AKT1S1: variants seen among roughly 807,000 people sequenced by gnomAD.
The protein encoded by AKT1S1 is AKT1 substrate 1.
Under a neutral mutation model 21.2 loss-of-function variants are expected in AKT1S1, and 17 were observed. The ratio of observed to expected loss-of-function variants is 0.80; its 90% CI spans 0.55 to 1.20. The LOEUF is 1.20. Ranked by LOEUF, AKT1S1 falls within the 50% of genes most tolerant of loss-of-function variation. The probability of loss-of-function intolerance (pLI) is 0.00; values close to 1 mark genes in which losing one functional copy is unlikely to be tolerated. For synonymous variants in AKT1S1, 181 were observed against 165.6 expected (o/e 1.09, Z -0.72); for missense variants, 366 against 368.3 (o/e 0.99, Z 0.05).
rs1242921925 is a variant in AKT1S1, at chr19:49,869,861, C to T, written c.*56G>A. ...AGATTAGCAGGCCCCGGGAGTGGGG[C>T]GGGGGCGTAGTGTGGGACGGGGCGG... On this transcript the variant is annotated 3_prime_UTR_variant, in exon 5 of 5. Transcript: ENST00000344175. 5.0e-6 allele frequency: 7 copies of T among 1,395,366 alleles called. No individual in the cohort carries two copies. Among genetic ancestry groups the T allele is most frequent in the South Asian group, 1.5e-5 (1 of 65,550 alleles). 86.4% of individuals were successfully genotyped at this position (1,395,366 alleles called of 1,614,324 possible).
Position 49,871,729 on chromosome 19 carries a change from G to T in AKT1S1, c.458-13C>A, listed in dbSNP as rs769013124. 8.7e-6 allele frequency: 14 copies of T among 1,611,936 alleles called. No individual in the cohort carries two copies. The highest frequency in any genetic ancestry group is 1.1e-5 in the Non-Finnish European group (13 of 1,178,606). On this transcript the variant is annotated splice_polypyrimidine_tract_variant and intron_variant, in intron 3 of 4. Transcript: ENST00000344175. ...CTCAGGCTGCCATCTGAAAGAGAGGGTGGACTTCAGCTTCTGTCCCTGCCT... is the reference window on the plus strand; with the variant it reads ...CTCAGGCTGCCATCTGAAAGAGAGGTTGGACTTCAGCTTCTGTCCCTGCCT...
chr19:49,876,056 G>A (rs745879219), intron 1 of AKT1S1: 60 of 985,490 alleles, frequency 6.1e-5, no homozygotes, highest in Non-Finnish European at 7.1e-5. Flanking sequence ...AGGGAAAAGA[G>A]CTAAGGAGGA....
At chr19:49,876,619 T>G (rs1333184593) in intron 1 of AKT1S1, 1 of 1,532,708 alleles carries the variant, frequency 6.5e-7, no homozygotes, top group Non-Finnish European at 8.8e-7. Context: ...GTAGCCAGCA[T>G]GGCCGGCCCG....
intron 1 of AKT1S1, chr19:49,874,865 T>A (rs1039546928): frequency 6.6e-6 from 1 of 152,108 alleles, no homozygotes; most frequent in Non-Finnish European, 1.5e-5. Context: ...GAGTCTGGAG[T>A]CTGAATGAAA....
Position 49,869,818 on chromosome 19 carries a change from C to G in AKT1S1, c.*99G>C, listed in dbSNP as rs2074861987. On this transcript the variant is annotated 3_prime_UTR_variant, in exon 5 of 5. Transcript: ENST00000344175. The stretch of plus-strand genomic sequence containing the variant: ...TTGGGAATGGGAGACGCAAGGAGGC[C>G]GGTCCCGGATCGGCCTCAGATTAGC... 1 of 1,243,140 alleles carries G rather than the reference C, an allele frequency of 8.0e-7. No individual in the cohort carries two copies. The highest frequency in any genetic ancestry group is 1.6e-5 in the African/African-American group (1 of 63,724). 77.0% of individuals were successfully genotyped at this position (1,243,140 alleles called of 1,614,324 possible). A position where few individuals can be genotyped will look rare whatever the true frequency, so the allele number is the denominator to read the frequency against.
chr19:49,875,682 G>A (rs2074931929), intron 1 of AKT1S1, among the ~76,000 whole-genome samples: 1 of 152,200 alleles, frequency 6.6e-6, no homozygotes, highest in Non-Finnish European at 1.5e-5. Context: ...TGAACTCTCC[G>A]TGTACTCAAT....
Position 49,870,023 on chromosome 19 carries a change from A to G in AKT1S1, c.665T>C (p.Met222Thr). Residue 222 changes from methionine to threonine, a missense_variant, in exon 5 of 5, where the codon ATG becomes ACG. Physicochemically the swap from Met to Thr is moderately conservative, Grantham distance 81. Coordinates refer to ENST00000344175, the MANE Select transcript of AKT1S1 (RefSeq NM_001098633.4). ...GGCCTCTCGCAGCACCAGCGCGCGC[A>G]TGCTCGCCGCGATGCGGTCCAGGTC... Reference protein sequence around the residue: ...SPDLDRIAASMRALVLREAED... With the variant: ...SPDLDRIAASTRALVLREAED... The G allele has an allele frequency of 6.4e-7, 1 of 1,552,348 alleles. No homozygotes were observed. Among genetic ancestry groups the G allele is most frequent in the East Asian group, 2.5e-5 (1 of 40,058 alleles).
Position 49,870,068 on chromosome 19 carries a change from G to A in AKT1S1, c.628-8C>T. 1 of 1,519,584 alleles carries A rather than the reference G, an allele frequency of 6.6e-7. No individual in the cohort carries two copies. Among genetic ancestry groups the A allele is most frequent in the South Asian group, 1.2e-5 (1 of 81,482 alleles). 94.1% of individuals were successfully genotyped at this position (1,519,584 alleles called of 1,614,324 possible). A position where few individuals can be genotyped will look rare whatever the true frequency, so the allele number is the denominator to read the frequency against. Reference sequence around the variant, plus strand: ...CAGGTCGGGCGAAGAGGGCTGCGGGGACGGCGACGGGGCGAGGTCAGCGCC... The same window carrying A: ...CAGGTCGGGCGAAGAGGGCTGCGGGAACGGCGACGGGGCGAGGTCAGCGCC... On this transcript the variant is annotated splice_region_variant and splice_polypyrimidine_tract_variant and intron_variant, in intron 4 of 4. Coordinates refer to ENST00000344175, the MANE Select transcript of AKT1S1 (RefSeq NM_001098633.4).
chr19:49,877,156 C>T (rs1036105129), intron 1 of AKT1S1, 81 bp downstream of exon 1: 1 of 162,358 alleles, frequency 6.2e-6, no homozygotes, highest in Non-Finnish European at 1.3e-5. Flanking sequence ...TCCGGGGCCG[C>T]TTCGTTTCTG....
Position 49,873,052 on chromosome 19 carries a change from G to T in AKT1S1, c.244C>A (p.Pro82Thr). Residue 82 changes from proline to threonine, a missense_variant, in exon 2 of 5, where the codon CCA (proline) becomes ACA (threonine). Transcript: ENST00000344175. This position sits in a 1 kb window ranked among gnomAD's most constrained non-coding sequence, Gnocchi z 6.9. ...ATAARPPAPP[P>T]APQPPSPTPS... is the part of the protein sequence containing the mutation. ...GTGGGACTGGGTGGCTGTGGTGCTG[G>T]TGGGGGCGCAGGAGGCCGAGCAGCA... The T allele has an allele frequency of 6.4e-7, 1 of 1,558,570 alleles. No homozygotes were observed. The highest frequency in any genetic ancestry group is 1.2e-5 in the South Asian group (1 of 84,684).
chr19:49,870,344 C>T (rs1395455670), intron 4 of AKT1S1, among the ~76,000 whole-genome samples: 1 of 152,226 alleles, frequency 6.6e-6, no homozygotes, highest in African/African-American at 2.4e-5. Flanking sequence ...AGTGCTGTTG[C>T]CTGCTAGCCA....
At position 49,871,822 on chromosome 19, in the gene AKT1S1, C is replaced by T. The variant is rs1325828527; in HGVS notation, c.447G>A (p.Glu149=). The T allele has an allele frequency of 6.2e-7, 1 of 1,611,986 alleles. No homozygotes were observed. Among genetic ancestry groups the T allele is most frequent in the East Asian group, 2.2e-5 (1 of 44,856 alleles). The part of the protein sequence containing the change: ...DLPPFCESDP[E]STDDGSLSEE... ...GCCTGGGACACTCACCATCTGTACT[C>T]TCGGGGTCTGACTCACAGAAGGGGG... The change falls in exon 3 of 5, where the codon GAG becomes GAA. Residue 149 remains glutamate, a synonymous_variant. Transcript: ENST00000344175.
Position 49,874,063 on chromosome 19 carries a change from G to A in AKT1S1, c.-7-761C>T, listed in dbSNP as rs1018359700. 3.9e-5 allele frequency: 6 copies of A among 152,382 alleles called. No homozygotes were observed. The East Asian group carries it at 9.6e-4, about 24-fold the overall frequency. 9.4% of individuals were successfully genotyped at this position (152,382 alleles called of 1,614,324 possible). ...GGTGTTCTGGCCATCCCCAGCTCCTGGGCCATCCTGCCTCCACGGCCTTCC... is the reference window on the plus strand; with the variant it reads ...GGTGTTCTGGCCATCCCCAGCTCCTAGGCCATCCTGCCTCCACGGCCTTCC... On this transcript the variant is annotated intron_variant, in intron 1 of 4. Coordinates refer to ENST00000344175, the MANE Select transcript of AKT1S1 (RefSeq NM_001098633.4).
chr19:49,873,473 C>G lies in AKT1S1; in HGVS notation c.-7-171G>C. 1 of 1,244,338 alleles carries G rather than the reference C, an allele frequency of 8.0e-7. No homozygotes were observed. The highest frequency in any genetic ancestry group is 1.9e-5 in the South Asian group (1 of 53,976). 77.1% of individuals were successfully genotyped at this position (1,244,338 alleles called of 1,614,324 possible). A position where few individuals can be genotyped will look rare whatever the true frequency, so the allele number is the denominator to read the frequency against. On this transcript the variant is annotated intron_variant, in intron 1 of 4. Transcript: ENST00000344175. The surrounding 1 kb of genome is among the most constrained non-coding windows in gnomAD (Gnocchi z 6.9). ...TGCTACTCCCCAGGATTCTCACCAT[C>G]CAGTCCTCGCAGGCCCAGACCCTGG...
At chr19:49,876,811 G>A (rs1177823944) in intron 1 of AKT1S1, 1 of 798,844 alleles carries the variant, frequency 1.3e-6, no homozygotes, top group African/African-American at 1.8e-5. Flanking sequence ...AAGAAAAATG[G>A]CCCCGCCTAG....
Position 49,872,926 on chromosome 19 carries a change from C to T in AKT1S1, c.370G>A (p.Asp124Asn). ...GCCCCCACCCTCTCACCTCCATTAT[C>T]ACTAATGCCCAGCTGCTCCCCGGAG... ...ETSGEQLGISDNGGLFVMDED... is the reference protein window; with the variant it reads ...ETSGEQLGISNNGGLFVMDED... The change falls in exon 2 of 5, where the codon GAT (aspartate) becomes AAT (asparagine). Residue 124 changes from aspartate (D) to asparagine (N), a missense_variant. Coordinates refer to ENST00000344175, the MANE Select transcript of AKT1S1 (RefSeq NM_001098633.4). 6.3e-7 allele frequency: 1 copy of T among 1,575,706 alleles called. No homozygotes were observed. The highest frequency in any genetic ancestry group is 8.6e-7 in the Non-Finnish European group (1 of 1,157,998).
At chr19:49,872,584 C>T (rs2074896431) in intron 2 of AKT1S1, among the ~76,000 whole-genome samples, 1 of 152,178 alleles carries the variant, frequency 6.6e-6, no homozygotes, top group African/African-American at 2.4e-5. Flanking sequence ...CTGGTTCTAC[C>T]CATGACCTGC....
At chr19:49,876,302 G>T in intron 1 of AKT1S1, 1 of 1,194,558 alleles carries the variant, frequency 8.4e-7, no homozygotes, top group Non-Finnish European at 1.0e-6. Context: ...CGGGTGAGGG[G>T]CGCCCCGAGG....
At chr19:49,876,608 C>G in intron 1 of AKT1S1, 1 of 1,531,934 alleles carries the variant, frequency 6.5e-7, no homozygotes, top group East Asian at 2.5e-5. Flanking sequence ...CTCACGTGCC[C>G]GTAGCCAGCA....
Sources: gnomAD v4.1 joint callset for allele counts (sites outside exome capture counted in the v4.1 genomes callset) on GRCh38, gnomAD v4.1.1 for gene constraint, Gnocchi (gnomAD v3.1) non-coding constraint, MANE v1.5 for transcripts, NCBI Gene and HGNC (gene_info 2026-07-23, HGNC 2026-07-21) for gene names.